Variants in FAM53B observed in about 807,000 individuals in gnomAD.
FAM53B encodes family with sequence similarity 53 member B.
In FAM53B, 12 loss-of-function variants were observed where a neutral mutation model predicts 32.7. The ratio of observed to expected loss-of-function variants is 0.37; its 90% CI spans 0.24 to 0.59. The LOEUF (loss-of-function observed/expected upper bound fraction) is 0.59. Ranked by LOEUF, FAM53B falls within the 20% of genes least tolerant of loss-of-function variation. FAM53B has a pLI of 0.72. For synonymous variants in FAM53B, 234 were observed against 228.7 expected (o/e 1.02, Z -0.21); for missense variants, 477 against 577.7 (o/e 0.83, Z 1.79).
At chr10:124,658,762 G>A (rs535648960) in intron 4 of FAM53B, among the ~76,000 whole-genome samples, 2 of 152,322 alleles carry the variant, frequency 1.3e-5, no homozygotes, top group Non-Finnish European at 2.9e-5. Context: ...AAGGGCCACA[G>A]CCTGGGGATG....
At chr10:124,653,550 G>A (rs540890629) in intron 4 of FAM53B, among the ~76,000 whole-genome samples, 186 of 152,214 alleles carry the variant, frequency 1.2e-3, no homozygotes, top group Non-Finnish European at 1.9e-3. Flanking sequence ...CCCAGCTGAC[G>A]GCACTCATCT....
chr10:124,643,460 G>A (rs1221776185), intron 4 of FAM53B, among the ~76,000 whole-genome samples: 12 of 152,212 alleles, frequency 7.9e-5, no homozygotes, highest in Admixed American at 2.6e-4. Context: ...AATCTATACA[G>A]GTCCACTTAA....
rs1949316114 is a variant in FAM53B, at chr10:124,622,297, T to C, written c.*945A>G. Reference sequence around the variant, plus strand: ...CCTGAGTGCGCATAGGGCCCTCATCTGCCCACCTGCTCGCAGCTCCCGTCT... The same window carrying C: ...CCTGAGTGCGCATAGGGCCCTCATCCGCCCACCTGCTCGCAGCTCCCGTCT... On this transcript the variant is annotated 3_prime_UTR_variant, in exon 5 of 5. Transcript: ENST00000337318. 6.6e-6 allele frequency: 1 copy of C among 152,332 alleles called. No homozygotes were observed. The allele number at this position is 152,332 out of a possible 1,614,324, so 9.4% of individuals were successfully genotyped here.
chr10:124,662,111 G>C (rs1159202949), intron 4 of FAM53B, among the ~76,000 whole-genome samples: 1 of 152,204 alleles, frequency 6.6e-6, no homozygotes, highest in Non-Finnish European at 1.5e-5. Flanking sequence ...CTGGCACCCA[G>C]AGCCCTGCCC....
At chr10:124,653,905 G>A (rs1337635314) in intron 4 of FAM53B, among the ~76,000 whole-genome samples, 1 of 152,230 alleles carries the variant, frequency 6.6e-6, no homozygotes, top group Non-Finnish European at 1.5e-5. Context: ...CCAGTGCTGT[G>A]CAGAAACTCA....
At chr10:124,654,540 G>A (rs749438070) in intron 4 of FAM53B, among the ~76,000 whole-genome samples, 2 of 152,240 alleles carry the variant, frequency 1.3e-5, no homozygotes, top group East Asian at 1.9e-4. Context: ...AACAAAGAAG[G>A]AGTTACTGGA....
intron 2 of FAM53B, among the ~76,000 whole-genome samples, chr10:124,706,416 C>G (rs1417839273): frequency 6.6e-6 from 1 of 152,204 alleles, no homozygotes; most frequent in African/African-American, 2.4e-5. Context: ...CCTCATTCAC[C>G]AGATGACCTC....
In FAM53B at chr10:124,623,201, C is replaced by G; in HGVS notation, c.*41G>C. On this transcript the variant is annotated 3_prime_UTR_variant, in exon 5 of 5. Transcript: ENST00000337318. ...ACCTAGTGCCCAGAGTGGGGGCTGT[C>G]GATGCCAGCACACCCCAGCCCTGCC... The G allele has an allele frequency of 6.5e-7, 1 of 1,531,396 alleles. No homozygotes were observed. Among genetic ancestry groups the G allele is most frequent in the Admixed American group, 2.0e-5 (1 of 49,022 alleles). 94.9% of individuals were successfully genotyped at this position (1,531,396 alleles called of 1,614,324 possible). A position where few individuals can be genotyped will look rare whatever the true frequency, so the allele number is the denominator to read the frequency against.
chr10:124,696,304 G>A, intron 2 of FAM53B, 92 bp from the exon 3 acceptor site: 2 of 1,089,182 alleles, frequency 1.8e-6, no homozygotes, highest in Non-Finnish European at 2.8e-6. Flanking sequence ...CACAATAAAA[G>A]GGTGACTGTC....
At chr10:124,703,270 G>C (rs1200167712) in intron 2 of FAM53B, among the ~76,000 whole-genome samples, 1 of 152,142 alleles carries the variant, frequency 6.6e-6, no homozygotes, top group Non-Finnish European at 1.5e-5. Flanking sequence ...GGATGGTCTT[G>C]ATCTCCTGAC....
chr10:124,727,174 C>T (rs1487040072), intron 1 of FAM53B, among the ~76,000 whole-genome samples: 1 of 152,064 alleles, frequency 6.6e-6, no homozygotes, highest in Non-Finnish European at 1.5e-5. Flanking sequence ...CATGCCATAA[C>T]ACCCGGCTAA....
chr10:124,737,261 C>T (rs1950178459), intron 1 of FAM53B, among the ~76,000 whole-genome samples: 1 of 152,222 alleles, frequency 6.6e-6, no homozygotes, highest in Non-Finnish European at 1.5e-5. Context: ...GGGGGAAGAG[C>T]CCTTATTCAC....
At chr10:124,696,310 C>T (rs1949869906) in intron 2 of FAM53B, 98 bp from the exon 3 acceptor site, 13 of 1,040,314 alleles carry the variant, frequency 1.2e-5, no homozygotes, top group Non-Finnish European at 2.0e-5. Context: ...AAAAGGGTGA[C>T]TGTCCTTTGC....
intron 1 of FAM53B, among the ~76,000 whole-genome samples, chr10:124,709,930 C>A (rs1307102151): frequency 2.0e-5 from 3 of 152,132 alleles, no homozygotes; most frequent in Non-Finnish European, 2.9e-5. Flanking sequence ...AGAGGAACCA[C>A]GTCCAACCCT....
intron 4 of FAM53B, among the ~76,000 whole-genome samples, chr10:124,657,359 A>G (rs1949599845): frequency 6.6e-6 from 1 of 152,148 alleles, no homozygotes; most frequent in African/African-American, 2.4e-5. Flanking sequence ...TGTTCCACAC[A>G]TTGGTAAATG....
intron 3 of FAM53B, among the ~76,000 whole-genome samples, chr10:124,693,198 G>A (rs1045461516): frequency 2.6e-5 from 4 of 151,912 alleles, no homozygotes; most frequent in South Asian, 2.1e-4. Context: ...CACGCCGGGC[G>A]CGGTGGCTCA....
At chr10:124,715,469 A>G (rs1950033572) in intron 1 of FAM53B, among the ~76,000 whole-genome samples, 2 of 152,092 alleles carry the variant, frequency 1.3e-5, no homozygotes, top group Non-Finnish European at 2.9e-5. Context: ...ATCTGTCCCT[A>G]TCTCCTCAGG....
intron 1 of FAM53B, among the ~76,000 whole-genome samples, chr10:124,719,470 A>G (rs1950055938): frequency 6.6e-6 from 1 of 152,218 alleles, no homozygotes; most frequent in Non-Finnish European, 1.5e-5. Flanking sequence ...AGCGAGAGTC[A>G]AAAGACTCTG....
intron 3 of FAM53B, among the ~76,000 whole-genome samples, chr10:124,688,054 T>C (rs1949813113): frequency 6.6e-6 from 1 of 152,212 alleles, no homozygotes; most frequent in Non-Finnish European, 1.5e-5. Flanking sequence ...CAGGACAGGA[T>C]GGGGACCCTC....
Sources: allele counts gnomAD v4.1 joint callset (sites outside exome capture counted in the v4.1 genomes callset), GRCh38; gene constraint gnomAD v4.1.1; transcripts MANE v1.5; gene names NCBI Gene and HGNC (gene_info 2026-07-23, HGNC 2026-07-21).